Variants in CASKIN1 observed in about 807,000 individuals in gnomAD.
The protein encoded by CASKIN1 is CASK interacting protein 1, also known as caskin-1.
CASKIN1 carries 42 observed loss-of-function variants against 117.5 expected under a neutral mutation model. The ratio of observed to expected loss-of-function variants is 0.36; its 90% CI spans 0.28 to 0.46. The LOEUF is 0.46. CASKIN1 is among the 20% of genes least tolerant of loss of function. The probability of loss-of-function intolerance (pLI) is 1.00; values close to 1 mark genes in which losing one functional copy is unlikely to be tolerated. For synonymous variants in CASKIN1, 1,148 were observed against 961.7 expected, an observed-to-expected ratio of 1.19 and a Z score of -3.59; for missense variants, 2,083 against 2,077.3, an observed-to-expected ratio of 1.00 and a Z score of -0.05.
chr16:2,181,679 G>GGCTTGGGGCCCA lies in CASKIN1; in HGVS notation c.1769-92_1769-81dup. The GGCTTGGGGCCCA allele has an allele frequency of 4.1e-6, 6 of 1,469,556 alleles. No homozygotes were observed. In the South Asian group the frequency reaches 5.1e-5, roughly 12 times the overall value. 91.0% of individuals were successfully genotyped at this position (1,469,556 alleles called of 1,614,324 possible). A position where few individuals can be genotyped will look rare whatever the true frequency, so the allele number is the denominator to read the frequency against. On this transcript the variant is annotated intron_variant, in intron 17 of 19. Transcript: ENST00000343516. ...CCGGGCTAGGGGCGGGGCTGGGCTG[G>GGCTTGGGGCCCA]GCTTGGGGCCCAGCTTGGGGCTGGG...
At chr16:2,193,668 G>C (rs1228047628) in intron 1 of CASKIN1, among the ~76,000 whole-genome samples, 1 of 152,236 alleles carries the variant, frequency 6.6e-6, no homozygotes, top group Admixed American at 6.5e-5. Flanking sequence ...AGCCCAGAAA[G>C]TAACATCTGC....
At position 2,179,991 on chromosome 16, in the gene CASKIN1, CTCT is replaced by C. The variant is rs1272567530; in HGVS notation, c.3374_3376del (p.Lys1125del). ...CTGGTTCTGCTTGGCCCGGATGCGC[CTCT>C]TGAGTGTGGCGCTGGCTTCCACCTT... On this transcript the variant is annotated inframe_deletion, in exon 18 of 20. Transcript: ENST00000343516. The surrounding 1 kb of genome is among the most constrained non-coding windows in gnomAD (Gnocchi z 5.8). 1 of 1,604,970 alleles carries C rather than the reference CTCT, an allele frequency of 6.2e-7. No individual in the cohort carries two copies. Among genetic ancestry groups the C allele is most frequent in the East Asian group, 2.3e-5 (1 of 44,290 alleles).
intron 14 of CASKIN1, among the ~76,000 whole-genome samples, chr16:2,184,281 G>A (rs1356063544): frequency 1.3e-5 from 2 of 152,136 alleles, no homozygotes; most frequent in Non-Finnish European, 2.9e-5. Flanking sequence ...GATGCAGGTG[G>A]TATGGCCCCT....
intron 1 of CASKIN1, among the ~76,000 whole-genome samples, chr16:2,195,292 C>T (rs1423125976): frequency 6.6e-6 from 1 of 152,144 alleles, no homozygotes; most frequent in Non-Finnish European, 1.5e-5. Flanking sequence ...CAACAATCTC[C>T]CAGAAGCCAG....
At chr16:2,186,863 C>G in intron 9 of CASKIN1, 39 bp from the exon 10 acceptor site, 2 of 1,608,348 alleles carry the variant, frequency 1.2e-6, no homozygotes, top group African/African-American at 1.3e-5. Flanking sequence ...GAGATGCCCC[C>G]TTTCGCAGAG....
chr16:2,196,271 G>T lies in CASKIN1; in HGVS notation c.94+68C>A. On this transcript the variant is annotated intron_variant, in intron 1 of 19. Transcript: ENST00000343516. This position sits in a 1 kb window ranked among gnomAD's most constrained non-coding sequence, Gnocchi z 5.7. ...ACGTCCCCTCCCCGCCCGGCGCCGGGTGGGGGGCTCCGCGCCGGGGAGGGG... is the reference window on the plus strand; with the variant it reads ...ACGTCCCCTCCCCGCCCGGCGCCGGTTGGGGGGCTCCGCGCCGGGGAGGGG... The T allele has an allele frequency of 1.5e-6, 1 of 658,584 alleles. No homozygotes were observed. Among genetic ancestry groups the T allele is most frequent in the Non-Finnish European group, 2.0e-6 (1 of 497,218 alleles). The allele number at this position is 658,584 out of a possible 1,614,324, so 40.8% of individuals were successfully genotyped here.
chr16:2,192,109 T>C (rs1181352506), intron 1 of CASKIN1, among the ~76,000 whole-genome samples: 18 of 151,786 alleles, frequency 1.2e-4, no homozygotes, highest in Non-Finnish European at 2.9e-5. Context: ...CTGGCCAACA[T>C]AGCAAGACCT....
chr16:2,183,189 G>A (rs1265660235), intron 16 of CASKIN1, among the ~76,000 whole-genome samples: 1 of 152,214 alleles, frequency 6.6e-6, no homozygotes, highest in East Asian at 1.9e-4. Context: ...GAGCATGTGT[G>A]CACGCACACA....
chr16:2,196,555 G>A lies in CASKIN1; in HGVS notation c.-123C>T. The stretch of plus-strand genomic sequence containing the variant: ...CTCCCCCGCCGCCTCCTCGCCGCCC[G>A]CCGCCCCTTCGCCCTCCTCGGGCTC... On this transcript the variant is annotated 5_prime_UTR_variant, in exon 1 of 20. Coordinates refer to ENST00000343516, the MANE Select transcript of CASKIN1 (RefSeq NM_020764.4). This position sits in a 1 kb window ranked among gnomAD's most constrained non-coding sequence, Gnocchi z 5.7. 4.5e-6 allele frequency: 1 copy of A among 222,386 alleles called. No homozygotes were observed. Among genetic ancestry groups the A allele is most frequent in the Non-Finnish European group, 7.4e-6 (1 of 134,896 alleles). The allele number at this position is 222,386 out of a possible 1,614,324, so 13.8% of individuals were successfully genotyped here.
Position 2,180,932 on chromosome 16 carries a change from C to A in CASKIN1, c.2436G>T (p.Pro812=). The change falls in exon 18 of 20, where the codon CCG becomes CCT. Residue 812 remains proline, a synonymous_variant. Coordinates refer to ENST00000343516, the MANE Select transcript of CASKIN1 (RefSeq NM_020764.4). The part of the protein sequence containing the change: ...AKVKPTPQLL[P]PTERPMSPRS... Reference sequence around the variant, plus strand: ...GGGGTGACATGGGGCGCTCTGTCGGCGGCAGCAGCTGCGGGGTGGGCTTCA... The same window carrying A: ...GGGGTGACATGGGGCGCTCTGTCGGAGGCAGCAGCTGCGGGGTGGGCTTCA... The A allele has an allele frequency of 1.4e-6, 2 of 1,461,080 alleles. No homozygotes were observed. The highest frequency in any genetic ancestry group is 1.8e-6 in the Non-Finnish European group (2 of 1,112,384). The allele number at this position is 1,461,080 out of a possible 1,614,324, so 90.5% of individuals were successfully genotyped here. A position where few individuals can be genotyped will look rare whatever the true frequency, so the allele number is the denominator to read the frequency against.
chr16:2,180,725 G>A lies in CASKIN1; in HGVS notation c.2643C>T (p.His881=). Residue 881 remains histidine, a synonymous_variant, in exon 18 of 20, where the codon CAC becomes CAT. Coordinates refer to ENST00000343516, the MANE Select transcript of CASKIN1 (RefSeq NM_020764.4). ...CGGACGCCGCATAGCGATTCAGGCTGTGGGCCCGCTTCTTGGGCCGCCCCG... is the reference window on the plus strand; with the variant it reads ...CGGACGCCGCATAGCGATTCAGGCTATGGGCCCGCTTCTTGGGCCGCCCCG... ...AEPGRPKKRA[H]SLNRYAASDS... is the part of the protein sequence containing the mutation. 6.9e-7 allele frequency: 1 copy of A among 1,457,974 alleles called. No individual in the cohort carries two copies. Among genetic ancestry groups the A allele is most frequent in the Non-Finnish European group, 9.0e-7 (1 of 1,112,428 alleles). 90.3% of individuals were successfully genotyped at this position (1,457,974 alleles called of 1,614,324 possible).
At chr16:2,186,677 G>T in intron 10 of CASKIN1, 30 bp downstream of exon 10, 1 of 1,590,738 alleles carries the variant, frequency 6.3e-7, no homozygotes, top group Non-Finnish European at 8.6e-7. Context: ...AGGGGCTCCT[G>T]CCTGCCCCCC....
At position 2,178,822 on chromosome 16, in the gene CASKIN1, A is replaced by G. The variant is rs554074046; in HGVS notation, c.4199+80T>C. On this transcript the variant is annotated intron_variant, in intron 19 of 19. Coordinates refer to ENST00000343516, the MANE Select transcript of CASKIN1 (RefSeq NM_020764.4). ...TGCCGAGCCCCGCCCATCTCTGCCG[A>G]GCCCCGCCCATCTCTGCCGAGCCCC... The G allele has an allele frequency of 1.1e-5, 14 of 1,314,388 alleles. No individual in the cohort carries two copies. The African/African-American group carries it at 2.2e-4, about 21-fold the overall frequency. 81.4% of individuals were successfully genotyped at this position (1,314,388 alleles called of 1,614,324 possible).
At chr16:2,194,304 C>T (rs2141331348) in intron 1 of CASKIN1, among the ~76,000 whole-genome samples, 1 of 152,290 alleles carries the variant, frequency 6.6e-6, no homozygotes, top group South Asian at 2.1e-4. Flanking sequence ...AGGCCAGCCC[C>T]TGCACCGGCA....
Position 2,187,266 on chromosome 16 carries a change from G to T in CASKIN1, c.735C>A (p.Ile245=), listed in dbSNP as rs752837300. 5 of 1,613,928 alleles carry T rather than the reference G, an allele frequency of 3.1e-6. No individual in the cohort carries two copies. In the African/African-American group the frequency reaches 5.3e-5, roughly 17 times the overall value. ...TGTAGGTGTTCCTCACGTGGGCATT[G>T]ATCCCGCTCTGCACATGTGAGAGAT... ...EVVRLLLDSG[I]NAHVRNTYSQ... The change falls in exon 8 of 20, where the codon ATC becomes ATA. Residue 245 remains isoleucine (I), a synonymous_variant. Coordinates refer to ENST00000343516, the MANE Select transcript of CASKIN1 (RefSeq NM_020764.4).
intron 8 of CASKIN1, 34 bp from the exon 9 acceptor site, chr16:2,187,106 C>T (rs370596778): frequency 5.6e-5 from 91 of 1,612,410 alleles, no homozygotes; most frequent in Non-Finnish European, 7.1e-5. Flanking sequence ...CGAAGTCCTG[C>T]GGGCTGATCT....
chr16:2,180,369 C>A lies in CASKIN1; in HGVS notation c.2999G>T (p.Ser1000Ile). The A allele has an allele frequency of 1.3e-6, 2 of 1,594,298 alleles. No homozygotes were observed. The highest frequency in any genetic ancestry group is 1.7e-6 in the Non-Finnish European group (2 of 1,176,948). The change falls in exon 18 of 20, where the codon AGT becomes ATT. Residue 1000 changes from serine to isoleucine, a missense_variant. Ser to Ile is a moderately radical substitution (Grantham distance 142). This residue lies in a region of CASKIN1 where 1,818 missense variants were observed against 1,688.9 expected (regional missense o/e 1.08). Transcript: ENST00000343516. ...CAGCATGGCCGCGATGCTCTTCACA[C>A]TGCCGGCACTACCCGTGTCCACGCT... ...AGSVDTGSAG[S>I]VKSIAAMLEL...
chr16:2,189,979 G>A, intron 3 of CASKIN1, 94 bp downstream of exon 3: 1 of 1,190,346 alleles, frequency 8.4e-7, no homozygotes, highest in Non-Finnish European at 1.2e-6. Flanking sequence ...GAGACCCTGG[G>A]CTGAGACCTC....
intron 1 of CASKIN1, among the ~76,000 whole-genome samples, chr16:2,195,586 C>T (rs1193116711): frequency 6.6e-6 from 1 of 152,218 alleles, no homozygotes; most frequent in Non-Finnish European, 1.5e-5. Flanking sequence ...CCAGCCCTTT[C>T]CTGGGGCCGG....
Sources: allele counts gnomAD v4.1 joint callset (sites outside exome capture counted in the v4.1 genomes callset), GRCh38; gene constraint gnomAD v4.1.1; regional missense constraint gnomAD v4.1.1; non-coding constraint Gnocchi (gnomAD v3.1); transcripts MANE v1.5; gene names NCBI Gene and HGNC (gene_info 2026-07-23, HGNC 2026-07-21).